RAPGEF1: variants seen among roughly 807,000 people sequenced by gnomAD.
RAPGEF1 encodes the protein Rap guanine nucleotide exchange factor 1.
In RAPGEF1, 33 loss-of-function variants were observed where a neutral mutation model predicts 143.3. That is an observed-to-expected ratio of 0.23 (90% CI 0.17 to 0.31). The LOEUF (loss-of-function observed/expected upper bound fraction) is 0.31. Ranked by LOEUF, RAPGEF1 falls within the 10% of genes least tolerant of loss-of-function variation. The pLI is 1.00. For synonymous variants in RAPGEF1, 629 were observed against 676.5 expected (o/e 0.93, Z 1.09); for missense variants, 1,199 against 1,645.4 (o/e 0.73, Z 4.69).
At chr9:131,598,636 G>A (rs1955716666) in intron 15 of RAPGEF1, 4 of 476,020 alleles carry the variant, frequency 8.4e-6, no homozygotes, top group Admixed American at 2.3e-5. Context: ...TTTAGGGAGA[G>A]GAGGAGCTAA....
intron 14 of RAPGEF1, among the ~76,000 whole-genome samples, chr9:131,603,065 A>G (rs1333778241): frequency 6.6e-6 from 1 of 152,222 alleles, no homozygotes; most frequent in Non-Finnish European, 1.5e-5. Context: ...ACTGGGTCAA[A>G]TCCCACTGGA....
At chr9:131,646,564 C>T (rs1371931657) in intron 3 of RAPGEF1, among the ~76,000 whole-genome samples, 5 of 152,170 alleles carry the variant, frequency 3.3e-5, no homozygotes, top group African/African-American at 1.2e-4. Flanking sequence ...GGAAAACTGG[C>T]CCTCCTCTCC....
chr9:131,658,369 G>A (rs776891359), intron 1 of RAPGEF1, among the ~76,000 whole-genome samples: 27 of 152,294 alleles, frequency 1.8e-4, no homozygotes, highest in Non-Finnish European at 3.4e-4. Flanking sequence ...AATGCCATAT[G>A]CTGGTGTATT....
intron 1 of RAPGEF1, among the ~76,000 whole-genome samples, chr9:131,690,199 A>G (rs1833681825): frequency 6.6e-6 from 1 of 152,240 alleles, no homozygotes; most frequent in South Asian, 2.1e-4. Context: ...CTAGAAGGAA[A>G]TAACTCTGTA....
intron 18 of RAPGEF1, 59 bp from the exon 19 acceptor site, chr9:131,590,037 C>T (rs1564465161): frequency 1.4e-6 from 2 of 1,459,958 alleles, no homozygotes; most frequent in East Asian, 4.5e-5. Context: ...GAGTGGAGGA[C>T]TGACTCCTGG....
chr9:131,636,592 A>G (rs541892085), intron 5 of RAPGEF1, among the ~76,000 whole-genome samples: 1 of 152,342 alleles, frequency 6.6e-6, no homozygotes, highest in Admixed American at 6.5e-5. Flanking sequence ...TGGCTGCTCT[A>G]ACTTGTGAAC....
In RAPGEF1 at chr9:131,583,558, C is replaced by T. The variant is rs978830907; in HGVS notation, c.3414+753G>A. Among the ~76,000 whole-genome samples, 1 of 151,394 alleles carries T rather than the reference C, an allele frequency of 6.6e-6. No homozygotes were observed. The highest frequency in any genetic ancestry group is 2.4e-5 in the African/African-American group (1 of 41,140). On this transcript the variant is annotated intron_variant, in intron 24 of 26. Coordinates refer to ENST00000683357, the MANE Select transcript of RAPGEF1 (RefSeq NM_001377935.1). The surrounding 1 kb of genome is among the most constrained non-coding windows in gnomAD (Gnocchi z 4.7). Reference sequence around the variant, plus strand: ...GGTCCCTGACACAATCCCTGGGTGGCCTGGCTGAACTTGGGTCCCTGACAT... The same window carrying T: ...GGTCCCTGACACAATCCCTGGGTGGTCTGGCTGAACTTGGGTCCCTGACAT...
At chr9:131,713,036 A>T (rs1455961350) in intron 1 of RAPGEF1, among the ~76,000 whole-genome samples, 6 of 152,208 alleles carry the variant, frequency 3.9e-5, no homozygotes, top group Non-Finnish European at 8.8e-5. Context: ...AAGATGGGCA[A>T]GCGACCCATC....
In RAPGEF1 at chr9:131,628,994, A is replaced by G; in HGVS notation, c.893+108T>C. On this transcript the variant is annotated intron_variant, in intron 7 of 26. Transcript: ENST00000683357. This position sits in a 1 kb window ranked among gnomAD's most constrained non-coding sequence, Gnocchi z 5.7. ...GGACAGCTCCAGAGTCAGCCTCCCA[A>G]GGGGGGCCAAGCCCTCAGCGCTGAG... is the stretch of plus-strand genomic sequence containing the variant. The G allele has an allele frequency of 3.2e-5, 45 of 1,414,546 alleles. No individual in the cohort carries two copies. Among genetic ancestry groups the G allele is most frequent in the Non-Finnish European group, 4.2e-5 (45 of 1,060,580 alleles). The allele number at this position is 1,414,546 out of a possible 1,614,324, so 87.6% of individuals were successfully genotyped here. A position where few individuals can be genotyped will look rare whatever the true frequency, so the allele number is the denominator to read the frequency against.
chr9:131,680,908 G>A (rs1033857921), intron 1 of RAPGEF1, among the ~76,000 whole-genome samples: 7 of 152,118 alleles, frequency 4.6e-5, no homozygotes, highest in African/African-American at 1.4e-4. Flanking sequence ...GTGGGGGCTC[G>A]AATCCAGGTG....
intron 17 of RAPGEF1, among the ~76,000 whole-genome samples, chr9:131,594,526 G>C (rs3780264): frequency 6.6e-6 from 1 of 152,044 alleles, no homozygotes; most frequent in Non-Finnish European, 1.5e-5. Context: ...CCACGGGCCT[G>C]AGCCACGGGG....
rs571956176 is a variant in RAPGEF1 at position 131,602,797 on chromosome 9, G to A, written c.2413-648C>T. On this transcript the variant is annotated intron_variant, in intron 14 of 26. Coordinates refer to ENST00000683357, the MANE Select transcript of RAPGEF1 (RefSeq NM_001377935.1). ...CCTCCGGCAGACTTGCTTCCTCCTG[G>A]GTCCCTGGGCTGGCCCTACTCAGTG... 8.5e-5 allele frequency among the ~76,000 whole-genome samples: 13 copies of A among 152,142 alleles called. No homozygotes were observed. In the South Asian group the frequency reaches 1.0e-3, roughly 12 times the overall value.
intron 1 of RAPGEF1, among the ~76,000 whole-genome samples, chr9:131,724,148 C>G (rs1836467141): frequency 6.6e-6 from 1 of 152,248 alleles, no homozygotes; most frequent in African/African-American, 2.4e-5. Context: ...AGCTGTAGAT[C>G]TTCATCCTCA....
intron 12 of RAPGEF1, among the ~76,000 whole-genome samples, chr9:131,616,629 A>T (rs954837556): frequency 1.3e-5 from 2 of 152,198 alleles, no homozygotes; most frequent in African/African-American, 4.8e-5. Flanking sequence ...ATAATCGTCC[A>T]CTGTGCCAAG....
intron 6 of RAPGEF1, among the ~76,000 whole-genome samples, 185 bp from the exon 7 acceptor site, chr9:131,629,439 G>A (rs1015515815): frequency 2.0e-5 from 3 of 152,078 alleles, no homozygotes; most frequent in African/African-American, 7.2e-5. Context: ...CTGGAGCTTG[G>A]CTGTGCCCCC....
At chr9:131,624,796 C>T (rs557863605) in intron 10 of RAPGEF1, among the ~76,000 whole-genome samples, 41 of 152,338 alleles carry the variant, frequency 2.7e-4, no homozygotes, top group Admixed American at 5.2e-4. Flanking sequence ...CAAATATACA[C>T]GACAGATGGG....
At chr9:131,627,334 G>T (rs1963509640) in intron 9 of RAPGEF1, among the ~76,000 whole-genome samples, 1 of 150,574 alleles carries the variant, frequency 6.6e-6, no homozygotes, top group Non-Finnish European at 1.5e-5. Context: ...TCCAGCAAAT[G>T]AATGTACCAT....
intron 1 of RAPGEF1, among the ~76,000 whole-genome samples, chr9:131,721,064 G>A (rs1384113470): frequency 6.6e-6 from 1 of 152,104 alleles, no homozygotes; most frequent in Non-Finnish European, 1.5e-5. Flanking sequence ...ATGCCCATGG[G>A]AGAACGGAGC....
intron 1 of RAPGEF1, among the ~76,000 whole-genome samples, chr9:131,721,494 C>G (rs1483078571): frequency 6.6e-6 from 1 of 152,168 alleles, no homozygotes; most frequent in African/African-American, 2.4e-5. Flanking sequence ...TGTACTTGGA[C>G]CCAGTCACAG....
Sources: gnomAD v4.1 joint callset for allele counts (sites outside exome capture counted in the v4.1 genomes callset) on GRCh38, gnomAD v4.1.1 for gene constraint, Gnocchi (gnomAD v3.1) non-coding constraint, MANE v1.5 for transcripts, NCBI Gene and HGNC (gene_info 2026-07-23, HGNC 2026-07-21) for gene names.